Variants in PPP3CC observed in about 807,000 individuals in gnomAD.
The protein encoded by PPP3CC is serine/threonine-protein phosphatase 2B catalytic subunit gamma isoform.
In PPP3CC, 35 loss-of-function variants were observed where a neutral mutation model predicts 60.3. That is an observed-to-expected ratio of 0.58 (90% CI 0.44 to 0.77). The LOEUF (loss-of-function observed/expected upper bound fraction) is 0.77, where lower values mean the gene tolerates loss of function less well. Among genes scored for constraint, PPP3CC ranks in the 30% least tolerant of loss-of-function variants. PPP3CC has a pLI of 0.00. For synonymous variants in PPP3CC, 206 were observed against 224.3 expected, an observed-to-expected ratio of 0.92 and a Z score of 0.73; for missense variants, 570 against 628.9, an observed-to-expected ratio of 0.91 and a Z score of 1.00.
At chr8:22,518,886 C>A (rs1345295896) in intron 6 of PPP3CC, among the ~76,000 whole-genome samples, 1 of 152,086 alleles carries the variant, frequency 6.6e-6, no homozygotes, top group Non-Finnish European at 1.5e-5. Context: ...GGAGTTTCAC[C>A]ATGTTGGCCA....
intron 3 of PPP3CC, among the ~76,000 whole-genome samples, chr8:22,489,101 C>A (rs906669131): frequency 1.3e-5 from 2 of 151,484 alleles, no homozygotes; most frequent in African/African-American, 4.9e-5. Flanking sequence ...ATTACTTTGG[C>A]TGTTAGAAGG....
intron 1 of PPP3CC, among the ~76,000 whole-genome samples, chr8:22,462,917 A>G (rs2132449091): frequency 6.6e-6 from 1 of 152,320 alleles, no homozygotes. Context: ...GACAGTTATT[A>G]TTAAAGTTTA....
intron 3 of PPP3CC, among the ~76,000 whole-genome samples, chr8:22,492,287 C>G (rs1467881132): frequency 1.3e-5 from 2 of 151,896 alleles, no homozygotes; most frequent in Non-Finnish European, 2.9e-5. Flanking sequence ...AAGTACTTAT[C>G]ATGAATGGAT....
At chr8:22,483,556 G>T (rs1376867402) in intron 3 of PPP3CC, among the ~76,000 whole-genome samples, 1 of 152,164 alleles carries the variant, frequency 6.6e-6, no homozygotes, top group South Asian at 2.1e-4. Context: ...AAAGTGCTGG[G>T]ATTATAGGTG....
At chr8:22,479,112 C>T (rs1837985320) in intron 3 of PPP3CC, among the ~76,000 whole-genome samples, 1 of 152,002 alleles carries the variant, frequency 6.6e-6, no homozygotes, top group African/African-American at 2.4e-5. Flanking sequence ...TAACATGTTG[C>T]AAGTATACAC....
intron 6 of PPP3CC, among the ~76,000 whole-genome samples, chr8:22,519,547 A>G (rs1180035446): frequency 6.6e-6 from 1 of 152,184 alleles, no homozygotes; most frequent in Non-Finnish European, 1.5e-5. Context: ...TGCATCAAAC[A>G]TTTTATAGTT....
chr8:22,492,693 T>C (rs1838443850), intron 3 of PPP3CC: 1 of 876,604 alleles, frequency 1.1e-6, no homozygotes, highest in East Asian at 2.5e-5. Context: ...AAAGAAATGG[T>C]TCACAGAAAG....
intron 3 of PPP3CC, among the ~76,000 whole-genome samples, chr8:22,489,584 A>G (rs1838319701): frequency 7.0e-6 from 1 of 143,686 alleles, no homozygotes; most frequent in Non-Finnish European, 1.5e-5. Flanking sequence ...TATAACAAAT[A>G]TATATTATAT....
intron 3 of PPP3CC, among the ~76,000 whole-genome samples, chr8:22,477,175 A>ATATAAAAT (rs1837914657): frequency 6.6e-6 from 1 of 152,108 alleles, no homozygotes; most frequent in African/African-American, 2.4e-5. Flanking sequence ...AGTAGACATA[A>ATATAAAAT]GTCAAATGTA....
intron 1 of PPP3CC, among the ~76,000 whole-genome samples, chr8:22,456,947 G>T (rs1249164493): frequency 5.3e-5 from 8 of 151,500 alleles, no homozygotes; most frequent in Non-Finnish European, 1.2e-4. Flanking sequence ...CTTCTTGGAT[G>T]CATAGGCTTA....
chr8:22,522,141 A>G (rs571445497), intron 6 of PPP3CC, among the ~76,000 whole-genome samples: 633 of 37,232 alleles, frequency 0.017, 5 homozygotes, highest in African/African-American at 0.09. Context: ...ACACACACGC[A>G]CACACACACA....
intron 3 of PPP3CC, among the ~76,000 whole-genome samples, chr8:22,489,709 A>G (rs1838334210): frequency 7.2e-6 from 1 of 138,146 alleles, no homozygotes; most frequent in South Asian, 2.2e-4. Flanking sequence ...TATATTATAT[A>G]TAAGTATATA....
chr8:22,449,868 CTTTTTTT>C (rs764100960), intron 1 of PPP3CC, among the ~76,000 whole-genome samples: 2 of 134,878 alleles, frequency 1.5e-5, no homozygotes, highest in Admixed American at 7.4e-5. Flanking sequence ...TTTTTCTTTT[CTTTTTTT>C]TTTTTTTTTC....
intron 3 of PPP3CC, among the ~76,000 whole-genome samples, chr8:22,492,339 T>C (rs1315146360): frequency 6.6e-6 from 1 of 152,176 alleles, no homozygotes; most frequent in African/African-American, 2.4e-5. Context: ...CAGTGAATGA[T>C]GAGTGAATGT....
At chr8:22,527,780 C>G (rs1164941776) in intron 9 of PPP3CC, among the ~76,000 whole-genome samples, 2 of 152,062 alleles carry the variant, frequency 1.3e-5, no homozygotes, top group Non-Finnish European at 2.9e-5. Context: ...GGATTATAGG[C>G]ACGTGCCACT....
At chr8:22,534,143 G>A (rs1291939998) in intron 12 of PPP3CC, among the ~76,000 whole-genome samples, 2 of 144,362 alleles carry the variant, frequency 1.4e-5, no homozygotes, top group South Asian at 4.4e-4. Flanking sequence ...AGGTTGCAGC[G>A]AGCCAAGATC....
chr8:22,498,579 A>G (rs1010633528), intron 4 of PPP3CC, among the ~76,000 whole-genome samples: 1 of 152,220 alleles, frequency 6.6e-6, no homozygotes, highest in Non-Finnish European at 1.5e-5. Context: ...ATCTGTATAT[A>G]TTTTACAAAT....
At chr8:22,539,588 G>T in intron 13 of PPP3CC, 90 bp downstream of exon 13, 1 of 1,327,548 alleles carries the variant, frequency 7.5e-7, no homozygotes, top group South Asian at 1.3e-5. Flanking sequence ...TTTTATTATT[G>T]CATCACCAGA....
chr8:22,505,838 C>T (rs1838899968), intron 4 of PPP3CC, among the ~76,000 whole-genome samples: 1 of 151,010 alleles, frequency 6.6e-6, no homozygotes, highest in Non-Finnish European at 1.5e-5. Flanking sequence ...AATTCAGTCT[C>T]AACTATTAAT....
Sources: allele counts gnomAD v4.1 joint callset (sites outside exome capture counted in the v4.1 genomes callset), GRCh38; gene constraint gnomAD v4.1.1; transcripts MANE v1.5; gene names NCBI Gene and HGNC (gene_info 2026-07-23, HGNC 2026-07-21).